Variants in YES1 observed in about 807,000 individuals in gnomAD.
The protein encoded by YES1 is YES proto-oncogene 1, Src family tyrosine kinase.
In YES1, 39 loss-of-function variants were observed where a neutral mutation model predicts 70.4. The observed-to-expected ratio is 0.55, with a 90% CI of 0.43 to 0.72. YES1 has a LOEUF of 0.72. Ranked by LOEUF, YES1 falls within the 30% of genes least tolerant of loss-of-function variation. The probability of loss-of-function intolerance (pLI) is 0.00; values close to 1 mark genes in which losing one functional copy is unlikely to be tolerated. For synonymous variants in YES1, 198 were observed against 218.6 expected (o/e 0.91, Z 0.83); for missense variants, 495 against 644.8 (o/e 0.77, Z 2.52).
At chr18:726,255 C>T (rs1255976684) in intron 11 of YES1, among the ~76,000 whole-genome samples, 1 of 152,006 alleles carries the variant, frequency 6.6e-6, no homozygotes, top group Non-Finnish European at 1.5e-5. Flanking sequence ...GAAGCCCCGT[C>T]TCTACTAAAA....
At chr18:779,077 T>A (rs963843703) in intron 1 of YES1, among the ~76,000 whole-genome samples, 13 of 152,216 alleles carry the variant, frequency 8.5e-5, no homozygotes, top group African/African-American at 2.6e-4. Flanking sequence ...AAGTCTGATA[T>A]AGGATCAGCC....
In YES1 at chr18:742,966, CAGCAT is replaced by C; in HGVS notation, c.1007_1011del (p.Tyr336CysfsTer4). ...ATGTAAATTGGTTCTTCAGAAACAA[CAGCAT>C]ATAGTGGAACAAGTTTATCATGTCT... On this transcript the variant is annotated frameshift_variant, in exon 8 of 12. Coordinates refer to ENST00000314574, the MANE Select transcript of YES1 (RefSeq NM_005433.4). LOFTEE classifies it high-confidence loss of function. 3 of 1,606,206 alleles carry C rather than the reference CAGCAT, an allele frequency of 1.9e-6. No individual in the cohort carries two copies. The African/African-American group carries it at 4.0e-5, about 22-fold the overall frequency.
In YES1 at chr18:812,206, A is replaced by C. The variant is rs1907435732; in HGVS notation, c.-101T>G. 1 of 149,774 alleles carries C rather than the reference A, an allele frequency of 6.7e-6. No individual in the cohort carries two copies. Among genetic ancestry groups the C allele is most frequent in the Non-Finnish European group, 1.5e-5 (1 of 67,378 alleles). The allele number at this position is 149,774 out of a possible 1,614,324, so 9.3% of individuals were successfully genotyped here. A position where few individuals can be genotyped will look rare whatever the true frequency, so the allele number is the denominator to read the frequency against. On this transcript the variant is annotated 5_prime_UTR_variant, in exon 1 of 12. Transcript: ENST00000314574. The stretch of plus-strand genomic sequence containing the variant: ...GGCCCGCGGGCCCTCTCCCTCCTCC[A>C]CCTCCTCGTCCCGGGGCGCCCGGCG...
intron 3 of YES1, 127 bp from the exon 4 acceptor site, chr18:748,145 G>T: frequency 1.5e-6 from 1 of 671,436 alleles, no homozygotes; most frequent in Non-Finnish European, 2.5e-6. Flanking sequence ...TGCATTCATT[G>T]GATGAAGAAT....
intron 3 of YES1, 73 bp from the exon 4 acceptor site, chr18:748,091 T>C (rs1308927510): frequency 1.2e-5 from 15 of 1,241,848 alleles, no homozygotes; most frequent in Non-Finnish European, 1.5e-5. Flanking sequence ...AGTGCTATCT[T>C]GTATCTGAAG....
At chr18:728,482 G>C (rs1346383023) in intron 11 of YES1, among the ~76,000 whole-genome samples, 1 of 152,156 alleles carries the variant, frequency 6.6e-6, no homozygotes, top group Non-Finnish European at 1.5e-5. Flanking sequence ...TTTTCCATTT[G>C]TGTTGTTATG....
rs182899380 is a variant in YES1 at position 760,804 on chromosome 18, G to A, written c.-8-3969C>T. On this transcript the variant is annotated intron_variant, in intron 1 of 11. Coordinates refer to ENST00000314574, the MANE Select transcript of YES1 (RefSeq NM_005433.4). The stretch of plus-strand genomic sequence containing the variant: ...TAAAGTAACTTCCACATTGAGAGGG[G>A]CAGGGGTGGGGACAGAAGTTTAAGA... Among the ~76,000 whole-genome samples the A allele has an allele frequency of 9.5e-4, 144 of 152,264 alleles. 2 individuals are homozygous for A. Among genetic ancestry groups the A allele is most frequent in the African/African-American group, 3.3e-3 (137 of 41,556 alleles).
chr18:757,300 G>A (rs904725179), intron 1 of YES1, among the ~76,000 whole-genome samples: 24 of 151,504 alleles, frequency 1.6e-4, no homozygotes, highest in South Asian at 4.2e-4. Flanking sequence ...TCAGGAGATT[G>A]AGACCATCCT....
chr18:758,385 C>T lies in YES1; in HGVS notation c.-8-1550G>A, dbSNP rs143780656. The stretch of plus-strand genomic sequence containing the variant: ...TCCCTGTCAATGGAAACACCCCTAA[C>T]GCTCACCAAATTTAACCCCAATCTA... On this transcript the variant is annotated intron_variant, in intron 1 of 11. Transcript: ENST00000314574. Among the ~76,000 whole-genome samples, 229 of 152,212 alleles carry T rather than the reference C, an allele frequency of 1.5e-3. 2 individuals carry two copies. Among genetic ancestry groups the T allele is most frequent in the African/African-American group, 5.2e-3 (216 of 41,538 alleles).
chr18:809,165 C>A (rs548273254), intron 1 of YES1, among the ~76,000 whole-genome samples: 1 of 151,938 alleles, frequency 6.6e-6, no homozygotes. Flanking sequence ...ACATACAAGC[C>A]GAAGCGGATT....
At position 743,400 on chromosome 18, in the gene YES1, A is replaced by G; in HGVS notation, c.740T>C (p.Leu247Ser). ...ACACACAGTTGTCAACTTGTGGCAT[A>G]AACCATCAGCATGTTCTAGATAAAT... ...VKHYTEHADG[L>S]CHKLTTVCPT... Residue 247 changes from leucine to serine, a missense_variant, in exon 7 of 12, where the codon TTA becomes TCA. Leu to Ser is a moderately radical substitution (Grantham distance 145, BLOSUM62 -2). This residue lies in a region of YES1 where 385 missense variants were observed against 540.9 expected (regional missense o/e 0.71). Transcript: ENST00000314574. 6.2e-7 allele frequency: 1 copy of G among 1,612,714 alleles called. No individual in the cohort carries two copies. The highest frequency in any genetic ancestry group is 8.5e-7 in the Non-Finnish European group (1 of 1,179,702).
intron 1 of YES1, among the ~76,000 whole-genome samples, chr18:760,556 A>G (rs566248283): frequency 8.5e-5 from 13 of 152,286 alleles, no homozygotes; most frequent in African/African-American, 2.9e-4. Flanking sequence ...ATACAAATAC[A>G]TGCCATTTTA....
chr18:762,621 CA>C (rs1222765685), intron 1 of YES1, among the ~76,000 whole-genome samples: 2 of 152,126 alleles, frequency 1.3e-5, no homozygotes, highest in African/African-American at 4.8e-5. Context: ...TAATAACATA[CA>C]TTATGGGATT....
intron 1 of YES1, among the ~76,000 whole-genome samples, chr18:790,371 C>T (rs981619917): frequency 6.6e-6 from 1 of 152,184 alleles, no homozygotes; most frequent in Non-Finnish European, 1.5e-5. Flanking sequence ...AGTAAAACTC[C>T]GTCTCAGAGC....
chr18:722,163 T>C lies in YES1; in HGVS notation c.*2261A>G, dbSNP rs1223441349. The stretch of plus-strand genomic sequence containing the variant: ...ATTTTGTCACCCTTTTGAATATGCT[T>C]AGAAAAATTACAATATCATAGTTCA... On this transcript the variant is annotated 3_prime_UTR_variant, in exon 12 of 12. Coordinates refer to ENST00000314574, the MANE Select transcript of YES1 (RefSeq NM_005433.4). 6.6e-6 allele frequency: 1 copy of C among 152,608 alleles called. No individual in the cohort carries two copies. The highest frequency in any genetic ancestry group is 1.9e-4 in the East Asian group (1 of 5,198). The allele number at this position is 152,608 out of a possible 1,614,324, so 9.5% of individuals were successfully genotyped here. A position where few individuals can be genotyped will look rare whatever the true frequency, so the allele number is the denominator to read the frequency against.
rs2079982858 is a variant in YES1 at position 723,435 on chromosome 18, G to A, written c.*989C>T. On this transcript the variant is annotated 3_prime_UTR_variant, in exon 12 of 12. Coordinates refer to ENST00000314574, the MANE Select transcript of YES1 (RefSeq NM_005433.4). ...TTCTTTTAAATACATTTTCCTCTCT[G>A]TTCATCTATATTCACCATGAGCAAA... 6.6e-6 allele frequency: 1 copy of A among 152,326 alleles called. No individual in the cohort carries two copies. The highest frequency in any genetic ancestry group is 2.4e-5 in the African/African-American group (1 of 41,326). The allele number at this position is 152,326 out of a possible 1,614,324, so 9.4% of individuals were successfully genotyped here.
chr18:747,786 T>G, intron 4 of YES1, 134 bp downstream of exon 4: 5 of 694,978 alleles, frequency 7.2e-6, no homozygotes, highest in African/African-American at 1.8e-5. Context: ...TTAAGTAACA[T>G]CTATTAATAT....
At chr18:752,172 A>AT (rs1175707300) in intron 2 of YES1, among the ~76,000 whole-genome samples, 3 of 152,302 alleles carry the variant, frequency 2.0e-5, no homozygotes, top group Non-Finnish European at 4.4e-5. Context: ...CAGTGGTGTG[A>AT]TTTTGGCTTG....
chr18:770,132 G>A (rs1905087054), intron 1 of YES1, among the ~76,000 whole-genome samples: 1 of 151,842 alleles, frequency 6.6e-6, no homozygotes, highest in Non-Finnish European at 1.5e-5. Flanking sequence ...GTTAATTTTT[G>A]TATTTTTAGT....
Sources: allele counts gnomAD v4.1 joint callset (sites outside exome capture counted in the v4.1 genomes callset), GRCh38; gene constraint gnomAD v4.1.1; regional missense constraint gnomAD v4.1.1; transcripts MANE v1.5; gene names NCBI Gene and HGNC (gene_info 2026-07-23, HGNC 2026-07-21).